The following SEMA3E variants were observed in gnomAD, a reference collection of about 807,000 sequenced individuals.
The protein encoded by SEMA3E is semaphorin-3E.
Under a neutral mutation model 93.6 loss-of-function variants are expected in SEMA3E, and 49 were observed. That is an observed-to-expected ratio of 0.52 (90% CI 0.42 to 0.66). The LOEUF (loss-of-function observed/expected upper bound fraction) is 0.66, where lower values mean the gene tolerates loss of function less well. Ranked by LOEUF, SEMA3E falls within the 30% of genes least tolerant of loss-of-function variation. The pLI, the probability that SEMA3E is intolerant of heterozygous loss-of-function variation, is 0.00. For synonymous variants in SEMA3E, 363 were observed against 330.7 expected (o/e 1.10, Z -1.06); for missense variants, 906 against 964.8 (o/e 0.94, Z 0.81).
chr7:83,635,079 G>A (rs1043916885), intron 1 of SEMA3E, among the ~76,000 whole-genome samples: 15 of 151,984 alleles, frequency 9.9e-5, no homozygotes, highest in Admixed American at 1.3e-4. Context: ...CAATTATAAA[G>A]TATTTGTGGT....
chr7:83,648,419 G>C lies in SEMA3E; in HGVS notation c.115+9C>G, dbSNP rs1171717564. The C allele has an allele frequency of 2.6e-6, 4 of 1,524,828 alleles. No homozygotes were observed. Among genetic ancestry groups the C allele is most frequent in the African/African-American group, 1.4e-5 (1 of 71,370 alleles). The allele number at this position is 1,524,828 out of a possible 1,614,324, so 94.5% of individuals were successfully genotyped here. ...TTTTTAAACAAAAGGATCTGGAAAG[G>C]TAACCTACCTTTATGTGACAGGCGT... On this transcript the variant is annotated intron_variant, in intron 1 of 16. Coordinates refer to ENST00000643230, the MANE Select transcript of SEMA3E (RefSeq NM_012431.3).
chr7:83,408,532 T>A (rs762838228), intron 5 of SEMA3E, 45 bp from the exon 6 acceptor site: 1 of 1,601,592 alleles, frequency 6.2e-7, no homozygotes, highest in East Asian at 2.2e-5. Flanking sequence ...TTTGTTAATA[T>A]GTTAACAAAT....
At chr7:83,595,540 A>G (rs1283082771) in intron 1 of SEMA3E, among the ~76,000 whole-genome samples, 1 of 152,068 alleles carries the variant, frequency 6.6e-6, no homozygotes, top group African/African-American at 2.4e-5. Flanking sequence ...TTATTTTCTC[A>G]GGATCCAATT....
intron 1 of SEMA3E, among the ~76,000 whole-genome samples, chr7:83,638,658 C>T (rs898320670): frequency 2.0e-5 from 3 of 152,106 alleles, no homozygotes; most frequent in African/African-American, 7.2e-5. Flanking sequence ...GTGATTTGGA[C>T]ATTCAACAAC....
At chr7:83,415,920 A>T (rs149490169) in intron 5 of SEMA3E, among the ~76,000 whole-genome samples, 32 of 152,236 alleles carry the variant, frequency 2.1e-4, no homozygotes, top group African/African-American at 7.5e-4. Flanking sequence ...AGCAGAGAAC[A>T]TGTGTGGTCA....
intron 1 of SEMA3E, among the ~76,000 whole-genome samples, chr7:83,523,338 T>C (rs1010184734): frequency 1.6e-4 from 24 of 152,034 alleles, no homozygotes; most frequent in African/African-American, 5.1e-4. Flanking sequence ...CTTTTAGTTT[T>C]GTCAAGAAGG....
chr7:83,529,991 G>T (rs929603520), intron 1 of SEMA3E, among the ~76,000 whole-genome samples: 5 of 151,998 alleles, frequency 3.3e-5, no homozygotes, highest in African/African-American at 1.2e-4. Context: ...TTTTCTGTAT[G>T]TATAAACACA....
At chr7:83,610,680 GAT>G (rs1488741996) in intron 1 of SEMA3E, among the ~76,000 whole-genome samples, 3 of 152,030 alleles carry the variant, frequency 2.0e-5, no homozygotes, top group Non-Finnish European at 4.4e-5. Context: ...TATATTTGGA[GAT>G]AGAGACTTTA....
intron 1 of SEMA3E, among the ~76,000 whole-genome samples, chr7:83,594,089 T>C (rs1792817338): frequency 6.6e-6 from 1 of 152,170 alleles, no homozygotes; most frequent in Non-Finnish European, 1.5e-5. Flanking sequence ...CTGTTCCATA[T>C]GGTGAATTAT....
At chr7:83,460,130 G>T (rs1344763232) in intron 4 of SEMA3E, among the ~76,000 whole-genome samples, 1 of 152,172 alleles carries the variant, frequency 6.6e-6, no homozygotes, top group Non-Finnish European at 1.5e-5. Context: ...ATTTGGTGCC[G>T]TGATTCAGAT....
intron 2 of SEMA3E, among the ~76,000 whole-genome samples, chr7:83,473,478 A>G (rs367704272): frequency 1.1e-4 from 17 of 152,318 alleles, no homozygotes; most frequent in African/African-American, 3.8e-4. Context: ...GCCTGGAAAG[A>G]TATTCTGATT....
chr7:83,575,690 T>C (rs1792386421), intron 1 of SEMA3E, among the ~76,000 whole-genome samples: 1 of 152,226 alleles, frequency 6.6e-6, no homozygotes, highest in African/African-American at 2.4e-5. Context: ...GGATCCCTTC[T>C]TTCTGAACAC....
chr7:83,639,160 G>T (rs56860286), intron 1 of SEMA3E, among the ~76,000 whole-genome samples: 1 of 127,790 alleles, frequency 7.8e-6, no homozygotes, highest in African/African-American at 2.9e-5. Context: ...CTGAGCCTCA[G>T]AATTATTGAT....
chr7:83,415,599 T>C (rs1048008067), intron 5 of SEMA3E, among the ~76,000 whole-genome samples: 2 of 152,124 alleles, frequency 1.3e-5, no homozygotes, highest in African/African-American at 4.8e-5. Flanking sequence ...CAAATAAGCT[T>C]TAATATTTAT....
chr7:83,606,326 A>C (rs1793117043), intron 1 of SEMA3E, among the ~76,000 whole-genome samples: 1 of 152,202 alleles, frequency 6.6e-6, no homozygotes, highest in Non-Finnish European at 1.5e-5. Flanking sequence ...TGGCAATCTA[A>C]TGAGATTTTT....
At chr7:83,616,817 C>T (rs916041243) in intron 1 of SEMA3E, 11 of 392,948 alleles carry the variant, frequency 2.8e-5, no homozygotes, top group Non-Finnish European at 5.5e-5. Flanking sequence ...CTCCACCTCC[C>T]GAGTTCAAGT....
rs1794654485 is a variant in SEMA3E, at chr7:83,365,574, C to G, written c.*2012G>C. 1 of 152,144 alleles carries G rather than the reference C, an allele frequency of 6.6e-6. No individual in the cohort carries two copies. Among genetic ancestry groups the G allele is most frequent in the Admixed American group, 6.6e-5 (1 of 15,264 alleles). The allele number at this position is 152,144 out of a possible 1,614,324, so 9.4% of individuals were successfully genotyped here. A position where few individuals can be genotyped will look rare whatever the true frequency, so the allele number is the denominator to read the frequency against. On this transcript the variant is annotated 3_prime_UTR_variant, in exon 17 of 17. Coordinates refer to ENST00000643230, the MANE Select transcript of SEMA3E (RefSeq NM_012431.3). ...TCTTATGACTTGTGTCATAGAAAAG[C>G]TATTTTCCTCTGCCTATTGCTTCAG...
At chr7:83,567,760 T>C (rs907650791) in intron 1 of SEMA3E, among the ~76,000 whole-genome samples, 2 of 151,932 alleles carry the variant, frequency 1.3e-5, no homozygotes, top group Non-Finnish European at 2.9e-5. Flanking sequence ...GCAAAACCAG[T>C]GCTGAGAGCA....
intron 1 of SEMA3E, among the ~76,000 whole-genome samples, chr7:83,637,388 T>C (rs546368079): frequency 1.5e-4 from 23 of 152,124 alleles, no homozygotes; most frequent in Non-Finnish European, 2.6e-4. Context: ...AACAAATACT[T>C]ATAAATGATT....
Sources: allele counts gnomAD v4.1 joint callset (sites outside exome capture counted in the v4.1 genomes callset), GRCh38; gene constraint gnomAD v4.1.1; transcripts MANE v1.5; gene names NCBI Gene and HGNC (gene_info 2026-07-23, HGNC 2026-07-21).